KLHL6: variants seen among roughly 807,000 people sequenced by gnomAD.
The protein encoded by KLHL6 is kelch like family member 6.
A neutral mutation model predicts 58.6 loss-of-function variants in KLHL6; 41 were observed. The observed-to-expected ratio is 0.70, with a 90% CI of 0.55 to 0.91. The LOEUF (loss-of-function observed/expected upper bound fraction) is 0.91, where lower values mean the gene tolerates loss of function less well. Ranked by LOEUF, KLHL6 falls within the 40% of genes least tolerant of loss-of-function variation. The pLI is 0.00. For missense variants in KLHL6, 714 were observed against 805.6 expected, an observed-to-expected ratio of 0.89 and a Z score of 1.38; for synonymous variants, 338 against 322.7, an observed-to-expected ratio of 1.05 and a Z score of -0.51.
At chr3:183,503,258 C>T (rs1717919321) in intron 3 of KLHL6, among the ~76,000 whole-genome samples, 1 of 152,240 alleles carries the variant, frequency 6.6e-6, no homozygotes, top group Admixed American at 6.5e-5. Context: ...CCTCTGCTCC[C>T]CTTTCCCCAC....
rs544203018 is a variant in KLHL6 at position 183,515,774 on chromosome 3, C to T, written c.460-7266G>A. ...ATCTCAAAGCAGCTTCTAGGTCATA[C>T]TTGGGTATTTATTTCTAGCAGCATC... On this transcript the variant is annotated intron_variant, in intron 2 of 6. Coordinates refer to ENST00000341319, the MANE Select transcript of KLHL6 (RefSeq NM_130446.4). Among the ~76,000 whole-genome samples the T allele has an allele frequency of 4.6e-5, 7 of 152,144 alleles. No homozygotes were observed. The East Asian group carries it at 1.4e-3, about 29-fold the overall frequency.
In KLHL6 at chr3:183,499,113, T is replaced by G. The variant is rs111813726; in HGVS notation, c.1147+477A>C. The stretch of plus-strand genomic sequence containing the variant: ...TCCCAGCACTTTGGGAGGCCGAAGC[T>G]GGTGCATCACCTATGGTCAGGAGTT... On this transcript the variant is annotated intron_variant, in intron 4 of 6. Transcript: ENST00000341319. The surrounding 1 kb of genome is among the most constrained non-coding windows in gnomAD (Gnocchi z 4.6). Among the ~76,000 whole-genome samples the G allele has an allele frequency of 6.6e-6, 1 of 152,130 alleles. No individual in the cohort carries two copies. The highest frequency in any genetic ancestry group is 1.5e-5 in the Non-Finnish European group (1 of 68,024).
At chr3:183,531,366 T>A (rs542069988) in intron 1 of KLHL6, among the ~76,000 whole-genome samples, 86 of 151,978 alleles carry the variant, frequency 5.7e-4, no homozygotes, top group African/African-American at 1.8e-3. Flanking sequence ...TGAAATCTAA[T>A]GGAATTTATC....
rs369317693 is a variant in KLHL6, at chr3:183,501,467, C to CT, written c.910-1641dup. On this transcript the variant is annotated intron_variant, in intron 3 of 6. Coordinates refer to ENST00000341319, the MANE Select transcript of KLHL6 (RefSeq NM_130446.4). ...TCCCTGAATTCATTCCCTTATGACCCTTTCTTCACTTCCGGGAACCAGGCC... is the reference window on the plus strand; with the variant it reads ...TCCCTGAATTCATTCCCTTATGACCCTTTTCTTCACTTCCGGGAACCAGGCC... Among the ~76,000 whole-genome samples the CT allele has an allele frequency of 5.1e-3, 770 of 152,312 alleles. 10 individuals carry two copies. Among genetic ancestry groups the CT allele is most frequent in the African/African-American group, 0.017 (714 of 41,566 alleles).
chr3:183,494,945 A>G (rs1717674783), intron 4 of KLHL6, among the ~76,000 whole-genome samples: 1 of 152,246 alleles, frequency 6.6e-6, no homozygotes, highest in African/African-American at 2.4e-5. Context: ...AAAACAGAAA[A>G]TACAAAATTC....
In KLHL6 at chr3:183,492,879, G is replaced by C; in HGVS notation, c.1351-172C>G. 1.7e-6 allele frequency: 1 copy of C among 605,432 alleles called. No homozygotes were observed. The highest frequency in any genetic ancestry group is 2.9e-6 in the Non-Finnish European group (1 of 344,942). 37.5% of individuals were successfully genotyped at this position (605,432 alleles called of 1,614,324 possible). ...TAAGACACAGCAAGAATGAAAGCAT[G>C]CATTTCCCACCCTCCCTCCAGGCTC... is the stretch of plus-strand genomic sequence containing the variant. On this transcript the variant is annotated intron_variant, in intron 5 of 6. Transcript: ENST00000341319. This position sits in a 1 kb window ranked among gnomAD's most constrained non-coding sequence, Gnocchi z 5.9.
chr3:183,547,986 G>A (rs916221018), intron 1 of KLHL6, among the ~76,000 whole-genome samples: 3 of 152,146 alleles, frequency 2.0e-5, no homozygotes, highest in Non-Finnish European at 2.9e-5. Context: ...GCCTCCTTGT[G>A]CTCATACACA....
intron 1 of KLHL6, among the ~76,000 whole-genome samples, chr3:183,529,563 G>C (rs1370395811): frequency 6.6e-6 from 1 of 152,074 alleles, no homozygotes; most frequent in Non-Finnish European, 1.5e-5. Context: ...GGGGACCGGG[G>C]GTGGGGGCTT....
intron 1 of KLHL6, among the ~76,000 whole-genome samples, chr3:183,530,448 C>T (rs550109299): frequency 1.3e-5 from 2 of 152,268 alleles, no homozygotes; most frequent in South Asian, 4.1e-4. Flanking sequence ...AACTTGCAAA[C>T]AATGAAATTG....
chr3:183,541,643 C>T (rs972426134), intron 1 of KLHL6, among the ~76,000 whole-genome samples: 4 of 152,156 alleles, frequency 2.6e-5, no homozygotes, highest in Non-Finnish European at 5.9e-5. Flanking sequence ...AGTTCAAGTC[C>T]AGCCTGGGCA....
rs1553813933 is a variant in KLHL6 at position 183,542,888 on chromosome 3, A to ATGGATGGATGGG, written c.293+12472_293+12473insCCCATCCATCCA. ...GATGGATGGATGGATGGATGGATGG[A>ATGGATGGATGGG]TGGATGGATGGATGGACAGATGGAT... On this transcript the variant is annotated intron_variant, in intron 1 of 6. Transcript: ENST00000341319. Among the ~76,000 whole-genome samples, 515 of 147,034 alleles carry ATGGATGGATGGG rather than the reference A, an allele frequency of 3.5e-3. 3 individuals are homozygous for ATGGATGGATGGG. Among genetic ancestry groups the ATGGATGGATGGG allele is most frequent in the Non-Finnish European group, 4.5e-3 (306 of 67,954 alleles).
In KLHL6 at chr3:183,490,001, C is replaced by T. The variant is rs886987178; in HGVS notation, c.*1926G>A. The stretch of plus-strand genomic sequence containing the variant: ...TGAAATCATATGATGAAAATAAAGT[C>T]CATTGGGTAACGCAGTTACTATGTT... On this transcript the variant is annotated 3_prime_UTR_variant, in exon 7 of 7. Transcript: ENST00000341319. 4.6e-5 allele frequency: 7 copies of T among 152,090 alleles called. No individual in the cohort carries two copies. The highest frequency in any genetic ancestry group is 7.4e-5 in the Non-Finnish European group (5 of 68,014). 9.4% of individuals were successfully genotyped at this position (152,090 alleles called of 1,614,324 possible). A position where few individuals can be genotyped will look rare whatever the true frequency, so the allele number is the denominator to read the frequency against.
At chr3:183,495,902 T>C (rs62287197) in intron 4 of KLHL6, among the ~76,000 whole-genome samples, 3,137 of 152,248 alleles carry the variant, frequency 0.021, 32 homozygotes, top group Non-Finnish European at 0.03. Context: ...CTAAAATATA[T>C]ACAGATCATT....
intron 1 of KLHL6, among the ~76,000 whole-genome samples, chr3:183,554,504 C>G (rs935418398): frequency 6.6e-6 from 1 of 152,186 alleles, no homozygotes; most frequent in African/African-American, 2.4e-5. Flanking sequence ...AGTCTCCTGA[C>G]TTCAGGCCTT....
intron 3 of KLHL6, among the ~76,000 whole-genome samples, chr3:183,506,869 TAAATAAAA>T (rs1161421732): frequency 2.7e-5 from 4 of 148,980 alleles, no homozygotes; most frequent in South Asian, 2.1e-4. Context: ...AATAAATAAA[TAAATAAAA>T]GGAGAAGTCT....
At chr3:183,534,950 A>ATATAT (rs1356557331) in intron 1 of KLHL6, among the ~76,000 whole-genome samples, 6 of 96,738 alleles carry the variant, frequency 6.2e-5, no homozygotes, top group African/African-American at 1.5e-4. Flanking sequence ...ATATATATAT[A>ATATAT]TTTTTTTTTT....
chr3:183,554,416 GC>G (rs1208337289), intron 1 of KLHL6, among the ~76,000 whole-genome samples: 2 of 152,154 alleles, frequency 1.3e-5, no homozygotes, highest in South Asian at 4.1e-4. Flanking sequence ...TCATCATTGT[GC>G]TCACCTTACA....
In KLHL6 at chr3:183,492,414, C is replaced by T; in HGVS notation, c.1564+80G>A. 6 of 1,499,406 alleles carry T rather than the reference C, an allele frequency of 4.0e-6. No homozygotes were observed. In the South Asian group the frequency reaches 4.8e-5, roughly 12 times the overall value. The allele number at this position is 1,499,406 out of a possible 1,614,324, so 92.9% of individuals were successfully genotyped here. On this transcript the variant is annotated intron_variant, in intron 6 of 6. Coordinates refer to ENST00000341319, the MANE Select transcript of KLHL6 (RefSeq NM_130446.4). The surrounding 1 kb of genome is among the most constrained non-coding windows in gnomAD (Gnocchi z 5.9). The stretch of plus-strand genomic sequence containing the variant: ...AGTGAGTTGCCAGCGCTGGAGACAC[C>T]GCGACACACCGTTTACGTGCTGCAG...
chr3:183,491,741 C>CT lies in KLHL6; in HGVS notation c.*185_*186insA, dbSNP rs1204127057. ...CCCCTCCTGAGGTAGGTCATGCAAA[C>CT]ATTCCTGGCCGGTCTCAAGTGACCC... On this transcript the variant is annotated 3_prime_UTR_variant, in exon 7 of 7. Transcript: ENST00000341319. The CT allele has an allele frequency of 2.2e-6, 1 of 463,394 alleles. No homozygotes were observed. The highest frequency in any genetic ancestry group is 2.0e-5 in the African/African-American group (1 of 50,320). The allele number at this position is 463,394 out of a possible 1,614,324, so 28.7% of individuals were successfully genotyped here.
Sources: gnomAD v4.1 joint callset for allele counts (sites outside exome capture counted in the v4.1 genomes callset) on GRCh38, gnomAD v4.1.1 for gene constraint, Gnocchi (gnomAD v3.1) non-coding constraint, MANE v1.5 for transcripts, NCBI Gene and HGNC (gene_info 2026-07-23, HGNC 2026-07-21) for gene names.